Variants in TMEM120B observed in about 807,000 individuals in gnomAD.
TMEM120B encodes transmembrane protein 120B.
A neutral mutation model predicts 55.5 loss-of-function variants in TMEM120B; 31 were observed. The ratio of observed to expected loss-of-function variants is 0.56; its 90% CI spans 0.42 to 0.75. The LOEUF is 0.75. Ranked by LOEUF, TMEM120B falls within the 30% of genes least tolerant of loss-of-function variation. The probability of loss-of-function intolerance (pLI) is 0.00; values close to 1 mark genes in which losing one functional copy is unlikely to be tolerated. For synonymous variants in TMEM120B, 203 were observed against 176.3 expected (o/e 1.15, Z -1.20); for missense variants, 399 against 425.5 (o/e 0.94, Z 0.55).
rs770178333 is a variant in TMEM120B at position 121,748,332 on chromosome 12, A to C, written c.195A>C (p.Lys65Asn). Residue 65 changes from lysine to asparagine, a missense_variant, in exon 3 of 12, where the codon AAA becomes AAC. Lys to Asn is a moderately conservative substitution (Grantham distance 94, BLOSUM62 0). Coordinates refer to ENST00000449592, the MANE Select transcript of TMEM120B (RefSeq NM_001080825.2). ...CCTGCATCTCTGTCCGCAGGTGCAAACGCCATGCCAGTCGGGAGGAGGCGG... is the reference window on the plus strand; with the variant it reads ...CCTGCATCTCTGTCCGCAGGTGCAACCGCCATGCCAGTCGGGAGGAGGCGG... ...KDLKLTLQRC[K>N]RHASREEAEL... is the part of the protein sequence containing the mutation. 6.2e-7 allele frequency: 1 copy of C among 1,609,872 alleles called. No homozygotes were observed.
chr12:121,774,535 C>G (rs1288673658), intron 9 of TMEM120B, 123 bp from the exon 10 acceptor site: 1 of 881,232 alleles, frequency 1.1e-6, no homozygotes, highest in Non-Finnish European at 1.8e-6. Flanking sequence ...GCTGACCCCC[C>G]GCATGTGTGA....
Position 121,775,387 on chromosome 12 carries a change from T to C in TMEM120B, c.907-222T>C, listed in dbSNP as rs571884361. The C allele has an allele frequency of 1.1e-5, 11 of 973,442 alleles. No individual in the cohort carries two copies. The East Asian group carries it at 3.4e-4, about 30-fold the overall frequency. The allele number at this position is 973,442 out of a possible 1,614,324, so 60.3% of individuals were successfully genotyped here. The stretch of plus-strand genomic sequence containing the variant: ...GGGCTAGGGGTGGAGCCTCTCCCAA[T>C]CTGTGGATCCCAAGGAGGTTCGCCC... On this transcript the variant is annotated intron_variant, in intron 11 of 11. Transcript: ENST00000449592. The surrounding 1 kb of genome is among the most constrained non-coding windows in gnomAD (Gnocchi z 4.3).
intron 1 of TMEM120B, among the ~76,000 whole-genome samples, chr12:121,728,712 A>G (rs1429808500): frequency 5.3e-5 from 8 of 152,202 alleles, no homozygotes; most frequent in Non-Finnish European, 1.2e-4. Context: ...TTAGGAAGTC[A>G]GAAGGGTGCT....
At chr12:121,734,134 G>A (rs530517156) in intron 1 of TMEM120B, among the ~76,000 whole-genome samples, 1 of 149,478 alleles carries the variant, frequency 6.7e-6, no homozygotes, top group South Asian at 2.1e-4. Context: ...TGTGGGTCAG[G>A]AATATAGACA....
chr12:121,743,651 A>G lies in TMEM120B; in HGVS notation c.92A>G (p.Gln31Arg). 1 of 1,613,674 alleles carries G rather than the reference A, an allele frequency of 6.2e-7. No individual in the cohort carries two copies. The highest frequency in any genetic ancestry group is 8.5e-7 in the Non-Finnish European group (1 of 1,179,952). Residue 31 changes from glutamine to arginine, a missense_variant, in exon 2 of 12, where the codon CAG becomes CGG. Gln to Arg is a conservative substitution (Grantham distance 43). Transcript: ENST00000449592. ...CAGGAGACGCACAGGATCTACAAGC[A>G]GAAGCTGGAGGAGCTGGCTGCGCTG... The part of the protein sequence containing the change: ...ELQETHRIYK[Q>R]KLEELAALQT...
chr12:121,776,774 C>A lies in TMEM120B; in HGVS notation c.*1052C>A, dbSNP rs1337826615. 1 of 151,928 alleles carries A rather than the reference C, an allele frequency of 6.6e-6. No individual in the cohort carries two copies. Among genetic ancestry groups the A allele is most frequent in the Non-Finnish European group, 1.5e-5 (1 of 68,094 alleles). 9.4% of individuals were successfully genotyped at this position (151,928 alleles called of 1,614,324 possible). On this transcript the variant is annotated 3_prime_UTR_variant, in exon 12 of 12. Transcript: ENST00000449592. The stretch of plus-strand genomic sequence containing the variant: ...CACAGGCATGCCTTGTTTAGCCCTC[C>A]TCAAGGAATTTTAAAATTTTTAATT...
chr12:121,781,008 T>C lies in TMEM120B; in HGVS notation c.*5286T>C. ...GAAATGCGTGACCTCAGGGAACCAC[T>C]GTGGAGGGAGGAGGCGGGATCAGGG... On this transcript the variant is annotated 3_prime_UTR_variant, in exon 12 of 12. Coordinates refer to ENST00000449592, the MANE Select transcript of TMEM120B (RefSeq NM_001080825.2). 6.2e-7 allele frequency: 1 copy of C among 1,613,528 alleles called. No homozygotes were observed. Among genetic ancestry groups the C allele is most frequent in the Non-Finnish European group, 8.5e-7 (1 of 1,179,586 alleles).
chr12:121,735,846 A>C (rs188374446), intron 1 of TMEM120B, among the ~76,000 whole-genome samples: 1 of 152,152 alleles, frequency 6.6e-6, no homozygotes, highest in Admixed American at 6.6e-5. Flanking sequence ...GCATACCACC[A>C]CACACGGCTA....
chr12:121,716,889 G>A (rs1894713457), intron 1 of TMEM120B, among the ~76,000 whole-genome samples: 1 of 152,096 alleles, frequency 6.6e-6, no homozygotes, highest in Non-Finnish European at 1.5e-5. Flanking sequence ...GAAAGAAAGA[G>A]CAAACCTAAT....
Position 121,781,912 on chromosome 12 carries a change from G to A in TMEM120B, c.*6190G>A, listed in dbSNP as rs1424622111. On this transcript the variant is annotated 3_prime_UTR_variant, in exon 12 of 12. Transcript: ENST00000449592. ...GATACTTTAATCCGGAGGCCGTGAC[G>A]CCTGGCTCCGCCCCGAGACGAGCTG... 8 of 152,244 alleles carry A rather than the reference G, an allele frequency of 5.3e-5. No homozygotes were observed. The highest frequency in any genetic ancestry group is 3.9e-4 in the Admixed American group (6 of 15,288). 9.4% of individuals were successfully genotyped at this position (152,244 alleles called of 1,614,324 possible). A position where few individuals can be genotyped will look rare whatever the true frequency, so the allele number is the denominator to read the frequency against.
Position 121,775,519 on chromosome 12 carries a change from G to A in TMEM120B, c.907-90G>A. On this transcript the variant is annotated intron_variant, in intron 11 of 11. Transcript: ENST00000449592. This position sits in a 1 kb window ranked among gnomAD's most constrained non-coding sequence, Gnocchi z 4.3. The stretch of plus-strand genomic sequence containing the variant: ...AAACCCTGCAGTTTGGGAGTTTGGG[G>A]GCAGCTGTGCTGGAGATTCTGGGGT... 6.6e-7 allele frequency: 1 copy of A among 1,507,314 alleles called. No homozygotes were observed. The highest frequency in any genetic ancestry group is 8.8e-7 in the Non-Finnish European group (1 of 1,131,914). The allele number at this position is 1,507,314 out of a possible 1,614,324, so 93.4% of individuals were successfully genotyped here.
At chr12:121,742,146 G>A (rs1424884245) in intron 1 of TMEM120B, among the ~76,000 whole-genome samples, 1 of 152,000 alleles carries the variant, frequency 6.6e-6, no homozygotes, top group African/African-American at 2.4e-5. Context: ...GGGACTACAG[G>A]CATACGCCAC....
intron 8 of TMEM120B, among the ~76,000 whole-genome samples, chr12:121,772,852 A>C (rs572612615): frequency 2.4e-4 from 37 of 152,372 alleles, no homozygotes; most frequent in African/African-American, 7.7e-4. Context: ...GTTAAGATCT[A>C]TGTCCTCTCA....
intron 1 of TMEM120B, among the ~76,000 whole-genome samples, chr12:121,741,156 G>A (rs1004617904): frequency 2.0e-5 from 3 of 151,918 alleles, no homozygotes; most frequent in Non-Finnish European, 4.4e-5. Flanking sequence ...CTTGGCCTGC[G>A]GCGGTGGTTT....
intron 1 of TMEM120B, among the ~76,000 whole-genome samples, chr12:121,728,350 A>G (rs938184379): frequency 4.6e-5 from 7 of 151,010 alleles, no homozygotes; most frequent in African/African-American, 1.7e-4. Flanking sequence ...TTAGCCGGGC[A>G]TGGTGGTGGG....
chr12:121,761,753 G>C lies in TMEM120B; in HGVS notation c.551+15G>C, dbSNP rs757394471. The C allele has an allele frequency of 1.9e-6, 3 of 1,605,726 alleles. No homozygotes were observed. The East Asian group carries it at 6.7e-5, about 36-fold the overall frequency. On this transcript the variant is annotated intron_variant, in intron 6 of 11. Transcript: ENST00000449592. ...AACGGCTCAAGGTACCTGGGCACCT[G>C]GCTTTGTGGGGAGCACAAGAGGAGT...
intron 6 of TMEM120B, 32 bp from the exon 7 acceptor site, chr12:121,770,875 C>G (rs1399418890): frequency 1.2e-6 from 2 of 1,610,692 alleles, no homozygotes; most frequent in Non-Finnish European, 1.7e-6. Context: ...CTCTCCCCTC[C>G]TGAGCACTTT....
intron 2 of TMEM120B, among the ~76,000 whole-genome samples, chr12:121,745,384 TTTCATTCA>T (rs544729269): frequency 2.0e-5 from 3 of 152,174 alleles, no homozygotes; most frequent in African/African-American, 2.4e-5. Flanking sequence ...TTAAAATTAT[TTTCATTCA>T]TTCATTCATT....
At position 121,773,549 on chromosome 12, in the gene TMEM120B, T is replaced by G. The variant is rs1592950790; in HGVS notation, c.772+36T>G. 3 of 1,504,268 alleles carry G rather than the reference T, an allele frequency of 2.0e-6. No individual in the cohort carries two copies. The African/African-American group carries it at 4.2e-5, about 21-fold the overall frequency. The allele number at this position is 1,504,268 out of a possible 1,614,324, so 93.2% of individuals were successfully genotyped here. On this transcript the variant is annotated intron_variant, in intron 9 of 11. Transcript: ENST00000449592. ...GGGCCTGGGTTGGAGCCGGGGCAGGTACTGGACCTGCCAGCTCCCCACACC... is the reference window on the plus strand; with the variant it reads ...GGGCCTGGGTTGGAGCCGGGGCAGGGACTGGACCTGCCAGCTCCCCACACC...
Sources: gnomAD v4.1 joint callset for allele counts (sites outside exome capture counted in the v4.1 genomes callset) on GRCh38, gnomAD v4.1.1 for gene constraint, Gnocchi (gnomAD v3.1) non-coding constraint, MANE v1.5 for transcripts, NCBI Gene and HGNC (gene_info 2026-07-23, HGNC 2026-07-21) for gene names.